SLAIN1: variants seen among roughly 807,000 people sequenced by gnomAD.
SLAIN1 encodes SLAIN motif-containing protein 1.
In SLAIN1, 17 loss-of-function variants were observed where a neutral mutation model predicts 55.4. The ratio of observed to expected loss-of-function variants is 0.31; its 90% confidence interval spans 0.21 to 0.46. The LOEUF is 0.46. Among genes scored for constraint, SLAIN1 ranks in the 20% least tolerant of loss-of-function variants. SLAIN1 has a pLI of 1.00. For synonymous variants in SLAIN1, 348 were observed against 337.4 expected (o/e 1.03, Z -0.35); for missense variants, 682 against 785.1 (o/e 0.87, Z 1.57).
At position 77,698,913 on chromosome 13, in the gene SLAIN1, G is replaced by C. The variant is rs754736617; in HGVS notation, c.626+374G>C. 3.3e-6 allele frequency: 5 copies of C among 1,533,444 alleles called. No individual in the cohort carries two copies. The African/African-American group carries it at 6.9e-5, about 21-fold the overall frequency. The allele number at this position is 1,533,444 out of a possible 1,614,324, so 95.0% of individuals were successfully genotyped here. Reference sequence around the variant, plus strand: ...CTCTTTTCCCCAGTGTTTTCGGAGGGATGACGGGGGATGGTAGGGGTTGGC... The same window carrying C: ...CTCTTTTCCCCAGTGTTTTCGGAGGCATGACGGGGGATGGTAGGGGTTGGC... On this transcript the variant is annotated intron_variant, in intron 1 of 6. Coordinates refer to ENST00000418532, the MANE Select transcript of SLAIN1 (RefSeq NM_001242868.2). The surrounding 1 kb of genome is among the most constrained non-coding windows in gnomAD (Gnocchi z 4.1).
chr13:77,763,295 A>C lies in SLAIN1; in HGVS notation c.*75A>C. 2 of 1,147,914 alleles carry C rather than the reference A, an allele frequency of 1.7e-6. No individual in the cohort carries two copies. The highest frequency in any genetic ancestry group is 2.6e-6 in the Non-Finnish European group (2 of 763,972). The allele number at this position is 1,147,914 out of a possible 1,614,324, so 71.1% of individuals were successfully genotyped here. A position where few individuals can be genotyped will look rare whatever the true frequency, so the allele number is the denominator to read the frequency against. ...TGTGTTACCTAGCTGGCTGGGTAGC[A>C]GTGGATGTTGGGATATTCTTTCCCT... On this transcript the variant is annotated 3_prime_UTR_variant, in exon 7 of 7. Transcript: ENST00000418532.
chr13:77,739,115 CG>C (rs1015313547), intron 2 of SLAIN1, among the ~76,000 whole-genome samples: 5 of 151,586 alleles, frequency 3.3e-5, no homozygotes, highest in African/African-American at 1.2e-4. Context: ...AGTTGGAAAC[CG>C]GAAGATTGAT....
At chr13:77,730,965 G>A (rs1358214793) in intron 2 of SLAIN1, among the ~76,000 whole-genome samples, 1 of 152,150 alleles carries the variant, frequency 6.6e-6, no homozygotes, top group African/African-American at 2.4e-5. Flanking sequence ...CTGCTTCTCT[G>A]AAAGTTGGCC....
chr13:77,699,251 T>G (rs1566215424), intron 1 of SLAIN1: 1 of 373,350 alleles, frequency 2.7e-6, no homozygotes, highest in Non-Finnish European at 4.7e-6. Flanking sequence ...ATTTATTTAT[T>G]TATTTTTTTA....
At chr13:77,726,158 G>A (rs769104820) in intron 2 of SLAIN1, among the ~76,000 whole-genome samples, 2 of 152,034 alleles carry the variant, frequency 1.3e-5, no homozygotes, top group African/African-American at 2.4e-5. Flanking sequence ...CTGCCCTTCT[G>A]CAGAAAGTTT....
At chr13:77,723,870 A>T (rs925153175) in intron 2 of SLAIN1, among the ~76,000 whole-genome samples, 1 of 151,396 alleles carries the variant, frequency 6.6e-6, no homozygotes, top group Non-Finnish European at 1.5e-5. Context: ...TTCAAATTTT[A>T]TATTTTTCTC....
rs1322345207 is a variant in SLAIN1 at position 77,713,083 on chromosome 13, G to A, written c.627-6449G>A. 5.9e-5 allele frequency among the ~76,000 whole-genome samples: 9 copies of A among 152,082 alleles called. 1 individual carries two copies. Among genetic ancestry groups the A allele is most frequent in the African/African-American group, 2.2e-4 (9 of 41,416 alleles). On this transcript the variant is annotated intron_variant, in intron 1 of 6. Transcript: ENST00000418532. ...CTCAAGATAGATTAAAGATTTAAAC[G>A]TAAGACCTAAAACCGTAAAAACCCT...
chr13:77,728,341 T>A (rs1189546576), intron 2 of SLAIN1, among the ~76,000 whole-genome samples: 1 of 152,172 alleles, frequency 6.6e-6, no homozygotes, highest in Non-Finnish European at 1.5e-5. Flanking sequence ...ATCTAAGTAA[T>A]TTGAAACGCC....
At chr13:77,732,239 C>T (rs1566233149) in intron 2 of SLAIN1, among the ~76,000 whole-genome samples, 1 of 152,124 alleles carries the variant, frequency 6.6e-6, no homozygotes, top group Admixed American at 6.6e-5. Context: ...ACAGTGCTTT[C>T]TAAAAGCTTG....
At chr13:77,760,612 A>G (rs1874940737) in intron 5 of SLAIN1, among the ~76,000 whole-genome samples, 1 of 152,200 alleles carries the variant, frequency 6.6e-6, no homozygotes, top group Non-Finnish European at 1.5e-5. Context: ...GCATATAGCC[A>G]GGCACTCCAA....
intron 2 of SLAIN1, chr13:77,741,577 T>G (rs1873442915): frequency 4.5e-6 from 1 of 221,900 alleles, no homozygotes; most frequent in Non-Finnish European, 7.7e-6. Context: ...TTCCACATAC[T>G]TAAGGAAAAG....
intron 1 of SLAIN1, among the ~76,000 whole-genome samples, chr13:77,709,819 G>A (rs547636169): frequency 1.1e-4 from 16 of 152,156 alleles, no homozygotes; most frequent in African/African-American, 2.9e-4. Flanking sequence ...CACCCAGGCC[G>A]GAGTGCAATG....
intron 3 of SLAIN1, among the ~76,000 whole-genome samples, chr13:77,745,452 G>C (rs1471577744): frequency 6.6e-6 from 1 of 151,812 alleles, no homozygotes; most frequent in Non-Finnish European, 1.5e-5. Flanking sequence ...TACTTCTCCA[G>C]GTAAATAATT....
rs1873426238 is a variant in SLAIN1 at position 77,741,373 on chromosome 13, T to C, written c.767-2910T>C. On this transcript the variant is annotated intron_variant, in intron 2 of 6. Coordinates refer to ENST00000418532, the MANE Select transcript of SLAIN1 (RefSeq NM_001242868.2). ...TATTCTGGAGTCAAGTTGACCTACA[T>C]AGAAGAGAAGGAACTGGAAGTGCAT... 5.1e-6 allele frequency: 5 copies of C among 987,328 alleles called. No individual in the cohort carries two copies. In the South Asian group the frequency reaches 2.3e-4, roughly 46 times the overall value. The allele number at this position is 987,328 out of a possible 1,614,324, so 61.2% of individuals were successfully genotyped here. A position where few individuals can be genotyped will look rare whatever the true frequency, so the allele number is the denominator to read the frequency against.
chr13:77,716,775 A>G (rs1276967219), intron 1 of SLAIN1, among the ~76,000 whole-genome samples: 1 of 152,170 alleles, frequency 6.6e-6, no homozygotes, highest in African/African-American at 2.4e-5. Flanking sequence ...ATTTTTGTAG[A>G]TTCTTCAGAT....
intron 2 of SLAIN1, among the ~76,000 whole-genome samples, chr13:77,732,470 T>A (rs1872919750): frequency 6.6e-6 from 1 of 152,036 alleles, no homozygotes; most frequent in African/African-American, 2.4e-5. Context: ...GTGGCTGTAG[T>A]CTAAATTGGA....
chr13:77,760,657 C>T (rs558157401), intron 5 of SLAIN1, among the ~76,000 whole-genome samples, 171 bp from the exon 6 acceptor site: 1 of 152,298 alleles, frequency 6.6e-6, no homozygotes, highest in South Asian at 2.1e-4. Context: ...AGATCTTTGT[C>T]AAGGATTAGA....
At chr13:77,706,817 A>G (rs2154409335) in intron 1 of SLAIN1, among the ~76,000 whole-genome samples, 1 of 152,302 alleles carries the variant, frequency 6.6e-6, no homozygotes, top group Admixed American at 6.5e-5. Flanking sequence ...ACTGGCTATA[A>G]AAGTCTAAGT....
chr13:77,711,533 C>T (rs550749399), intron 1 of SLAIN1, among the ~76,000 whole-genome samples: 20 of 152,012 alleles, frequency 1.3e-4, no homozygotes, highest in Non-Finnish European at 2.4e-4. Flanking sequence ...AGGAAGAAGT[C>T]GAATCCCTGA....
Sources: gnomAD v4.1 joint callset for allele counts (sites outside exome capture counted in the v4.1 genomes callset) on GRCh38, gnomAD v4.1.1 for gene constraint, Gnocchi (gnomAD v3.1) non-coding constraint, MANE v1.5 for transcripts, NCBI Gene and HGNC (gene_info 2026-07-23, HGNC 2026-07-21) for gene names.